GGACT: variants seen among roughly 807,000 people sequenced by gnomAD.
The protein encoded by GGACT is gamma-glutamylamine cyclotransferase.
For missense variants in GGACT, 241 were observed against 233.2 expected, an observed-to-expected ratio of 1.03 and a Z score of -0.22; for synonymous variants, 118 against 115.3, an observed-to-expected ratio of 1.02 and a Z score of -0.15.
At chr13:100,584,428 C>A (rs1271151160) in intron 1 of GGACT, among the ~76,000 whole-genome samples, 1 of 151,972 alleles carries the variant, frequency 6.6e-6, no homozygotes, top group African/African-American at 2.4e-5. Context: ...AAAATTAAAA[C>A]AATTGAACTG....
At chr13:100,569,091 G>A (rs1395351484) in intron 2 of GGACT, among the ~76,000 whole-genome samples, 1 of 152,232 alleles carries the variant, frequency 6.6e-6, no homozygotes. Context: ...GGCATTGAGT[G>A]TCTGCTGCTT....
chr13:100,566,143 A>C (rs2088808867), intron 2 of GGACT, among the ~76,000 whole-genome samples: 1 of 152,206 alleles, frequency 6.6e-6, no homozygotes, highest in East Asian at 1.9e-4. Context: ...CCAGCACCTG[A>C]GTGCAGCCTG....
intron 2 of GGACT, among the ~76,000 whole-genome samples, chr13:100,532,908 T>C (rs913258995): frequency 1.3e-5 from 2 of 152,224 alleles, no homozygotes; most frequent in Non-Finnish European, 2.9e-5. Context: ...TGCCAGTCCC[T>C]AGGCTAGAGA....
At chr13:100,563,966 A>T (rs2088787726) in intron 2 of GGACT, among the ~76,000 whole-genome samples, 1 of 152,020 alleles carries the variant, frequency 6.6e-6, no homozygotes, top group South Asian at 2.1e-4. Flanking sequence ...ACTGGGAACC[A>T]AAAGACAGGG....
chr13:100,571,706 ATC>A (rs916604131), intron 2 of GGACT, among the ~76,000 whole-genome samples: 6 of 152,168 alleles, frequency 3.9e-5, no homozygotes, highest in African/African-American at 1.4e-4. Context: ...AGGGTGTTTC[ATC>A]TCTGTGAACC....
intron 2 of GGACT, among the ~76,000 whole-genome samples, chr13:100,580,811 C>T (rs1203105577): frequency 3.9e-5 from 6 of 152,298 alleles, no homozygotes; most frequent in Non-Finnish European, 7.3e-5. Flanking sequence ...GAAACTTTCA[C>T]CTGTTGGCCC....
At chr13:100,551,116 C>G (rs889609712) in intron 2 of GGACT, among the ~76,000 whole-genome samples, 1 of 152,048 alleles carries the variant, frequency 6.6e-6, no homozygotes, top group African/African-American at 2.4e-5. Flanking sequence ...AACCCCATCT[C>G]TACTAAAAGT....
Position 100,532,422 on chromosome 13 carries a change from G to C in GGACT, c.170C>G (p.Pro57Arg). ...GCCCTCCACGAGGCGCCCCGAGCCG[G>C]GCAGGTGCAGCAGCCACGGGATGTT... ...EHNIPWLLHLPGSGRLVEGEV... is the reference protein window; with the variant it reads ...EHNIPWLLHLRGSGRLVEGEV... Residue 57 changes from proline (P) to arginine (R), a missense_variant, in exon 3 of 3, where the codon CCC becomes CGC. By Grantham distance (103) the Pro-to-Arg change is moderately radical. Transcript: ENST00000683975. The C allele has an allele frequency of 6.5e-7, 1 of 1,550,040 alleles. No homozygotes were observed. Among genetic ancestry groups the C allele is most frequent in the Non-Finnish European group, 8.7e-7 (1 of 1,146,630 alleles).
At chr13:100,567,011 G>T (rs1041493396) in intron 2 of GGACT, among the ~76,000 whole-genome samples, 2 of 152,166 alleles carry the variant, frequency 1.3e-5, no homozygotes, top group Non-Finnish European at 2.9e-5. Flanking sequence ...CCTGAATTTG[G>T]TTTTGTCTGA....
chr13:100,575,197 T>C (rs1875213066), intron 2 of GGACT, among the ~76,000 whole-genome samples: 2 of 152,176 alleles, frequency 1.3e-5, no homozygotes, highest in African/African-American at 4.8e-5. Context: ...TACCACCAAC[T>C]GAGAGCCTAT....
chr13:100,572,103 G>A (rs575756940), intron 2 of GGACT, among the ~76,000 whole-genome samples: 2 of 152,296 alleles, frequency 1.3e-5, no homozygotes, highest in East Asian at 1.9e-4. Flanking sequence ...GCTCATGCAC[G>A]TTCCCAGCAT....
At chr13:100,547,017 C>T (rs1045572907) in intron 2 of GGACT, among the ~76,000 whole-genome samples, 6 of 152,214 alleles carry the variant, frequency 3.9e-5, no homozygotes, top group South Asian at 2.1e-4. Context: ...CAAAGAGGCA[C>T]GATGGGCCTT....
intron 2 of GGACT, among the ~76,000 whole-genome samples, chr13:100,554,661 C>A (rs2088696171): frequency 6.6e-6 from 1 of 152,064 alleles, no homozygotes; most frequent in Non-Finnish European, 1.5e-5. Flanking sequence ...ATGGAAGTAT[C>A]TAGCATTTGA....
intron 2 of GGACT, among the ~76,000 whole-genome samples, chr13:100,549,145 C>T (rs1300979600): frequency 1.3e-5 from 2 of 152,140 alleles, no homozygotes; most frequent in African/African-American, 2.4e-5. Flanking sequence ...GTCAGGAGTT[C>T]GAGACCAGCC....
intron 2 of GGACT, among the ~76,000 whole-genome samples, chr13:100,571,624 C>G (rs780722216): frequency 2.6e-5 from 4 of 152,170 alleles, no homozygotes; most frequent in Non-Finnish European, 4.4e-5. Context: ...AGAGGACACA[C>G]TTTACAACTA....
Position 100,563,936 on chromosome 13 carries a change from C to G in GGACT, c.-11+19889G>C, listed in dbSNP as rs537183860. Among the ~76,000 whole-genome samples the G allele has an allele frequency of 2.6e-4, 39 of 152,110 alleles. 1 individual carries two copies. Among genetic ancestry groups the G allele is most frequent in the South Asian group, 2.5e-3 (12 of 4,798 alleles). Reference sequence around the variant, plus strand: ...GTGTGCAGGGAACAGAGATTTGGAACCCCTGGGGGCCTGTGGGCTACTGGG... The same window carrying G: ...GTGTGCAGGGAACAGAGATTTGGAAGCCCTGGGGGCCTGTGGGCTACTGGG... On this transcript the variant is annotated intron_variant, in intron 2 of 2. Transcript: ENST00000683975.
chr13:100,542,510 T>C (rs551668458), intron 2 of GGACT, among the ~76,000 whole-genome samples: 2 of 152,208 alleles, frequency 1.3e-5, no homozygotes, highest in Non-Finnish European at 2.9e-5. Flanking sequence ...GCATGAGACC[T>C]TAACATCAGT....
At chr13:100,551,792 A>C (rs2088667035) in intron 2 of GGACT, among the ~76,000 whole-genome samples, 1 of 152,218 alleles carries the variant, frequency 6.6e-6, no homozygotes, top group African/African-American at 2.4e-5. Flanking sequence ...TAATATAACA[A>C]TGATTATACT....
At chr13:100,559,257 G>C (rs2088736796) in intron 2 of GGACT, among the ~76,000 whole-genome samples, 4 of 152,164 alleles carry the variant, frequency 2.6e-5, no homozygotes, top group Admixed American at 6.5e-5. Context: ...ACACAATCTT[G>C]GCTCACTGCA....
Sources: gnomAD v4.1 joint callset for allele counts (sites outside exome capture counted in the v4.1 genomes callset) on GRCh38, gnomAD v4.1.1 for gene constraint, MANE v1.5 for transcripts, NCBI Gene and HGNC (gene_info 2026-07-23, HGNC 2026-07-21) for gene names.